The following SLCO3A1 variants were observed in gnomAD, a reference collection of about 807,000 sequenced individuals.
SLCO3A1 encodes solute carrier organic anion transporter family member 3A1, also known as PGE1 transporter.
A neutral mutation model predicts 63.1 loss-of-function variants in SLCO3A1; 27 were observed. The ratio of observed to expected loss-of-function variants is 0.43; its 90% CI spans 0.32 to 0.59. The LOEUF is 0.59. Among genes scored for constraint, SLCO3A1 ranks in the 20% least tolerant of loss-of-function variants. The probability of loss-of-function intolerance (pLI) is 0.09; values close to 1 mark genes in which losing one functional copy is unlikely to be tolerated. For missense variants in SLCO3A1, 773 were observed against 945.8 expected (o/e 0.82, Z 2.40); for synonymous variants, 473 against 409.9 (o/e 1.15, Z -1.86).
At chr15:91,988,926 A>G (rs1210565833) in intron 2 of SLCO3A1, among the ~76,000 whole-genome samples, 1 of 152,224 alleles carries the variant, frequency 6.6e-6, no homozygotes, top group Non-Finnish European at 1.5e-5. Flanking sequence ...GGAAAAGCAC[A>G]TCAACTATGT....
chr15:91,873,543 C>T (rs554703065), intron 1 of SLCO3A1, among the ~76,000 whole-genome samples: 4,786 of 151,298 alleles, frequency 0.032, 230 homozygotes, highest in African/African-American at 0.11. Flanking sequence ...CACACACACA[C>T]ACACACACAC....
At chr15:92,130,424 G>A (rs1473195262) in intron 7 of SLCO3A1, among the ~76,000 whole-genome samples, 1 of 152,234 alleles carries the variant, frequency 6.6e-6, no homozygotes, top group Non-Finnish European at 1.5e-5. Flanking sequence ...TCATGCAATT[G>A]CAATGCAGAG....
intron 2 of SLCO3A1, among the ~76,000 whole-genome samples, chr15:92,040,088 G>C (rs910601631): frequency 1.3e-5 from 2 of 152,146 alleles, no homozygotes; most frequent in East Asian, 3.9e-4. Context: ...AGGACAAATA[G>C]TTAATGCATG....
intron 2 of SLCO3A1, among the ~76,000 whole-genome samples, chr15:92,029,190 C>T (rs547701505): frequency 6.6e-6 from 1 of 152,158 alleles, no homozygotes; most frequent in Admixed American, 6.5e-5. Context: ...AAAAACTCCG[C>T]AGCCTCTTAT....
At position 92,165,132 on chromosome 15, in the gene SLCO3A1, G is replaced by A; in HGVS notation, c.*1997G>A. 1.0e-6 allele frequency: 1 copy of A among 985,418 alleles called. No individual in the cohort carries two copies. Among genetic ancestry groups the A allele is most frequent in the East Asian group, 1.1e-4 (1 of 8,818 alleles). 61.0% of individuals were successfully genotyped at this position (985,418 alleles called of 1,614,324 possible). ...TGAATGACAGCCCAAATCTAGAGAA[G>A]GCACTCAGCAAGACCAACCAAAAGA... On this transcript the variant is annotated 3_prime_UTR_variant, in exon 10 of 10. Coordinates refer to ENST00000318445, the MANE Select transcript of SLCO3A1 (RefSeq NM_013272.4).
At chr15:91,983,945 C>G (rs2046018656) in intron 2 of SLCO3A1, among the ~76,000 whole-genome samples, 1 of 152,164 alleles carries the variant, frequency 6.6e-6, no homozygotes, top group African/African-American at 2.4e-5. Context: ...GGTAACTAGG[C>G]TAATCAATCA....
chr15:92,137,271 A>G (rs1272541010), intron 7 of SLCO3A1, among the ~76,000 whole-genome samples: 21 of 108,584 alleles, frequency 1.9e-4, no homozygotes, highest in Admixed American at 7.2e-4. Context: ...ATGATTTCCA[A>G]TTTCATCCAT....
chr15:91,856,908 A>G lies in SLCO3A1; in HGVS notation c.180+2820A>G, dbSNP rs1344510466. Among the ~76,000 whole-genome samples the G allele has an allele frequency of 6.6e-6, 1 of 151,738 alleles. No individual in the cohort carries two copies. The highest frequency in any genetic ancestry group is 1.5e-5 in the Non-Finnish European group (1 of 67,938). On this transcript the variant is annotated intron_variant, in intron 1 of 9. Transcript: ENST00000318445. This position sits in a 1 kb window ranked among gnomAD's most constrained non-coding sequence, Gnocchi z 4.9. ...TAAAATATTGCAGTTTCATTTCCTT[A>G]TTTTTTTCTGAAAAGACAAATTTCT... is the stretch of plus-strand genomic sequence containing the variant.
intron 1 of SLCO3A1, among the ~76,000 whole-genome samples, chr15:91,898,742 C>T (rs1898073917): frequency 6.6e-6 from 1 of 152,036 alleles, no homozygotes; most frequent in Admixed American, 6.6e-5. Flanking sequence ...CAAAAACTTA[C>T]TCTTTTTATG....
intron 3 of SLCO3A1, among the ~76,000 whole-genome samples, chr15:92,101,314 G>A (rs1596102052): frequency 6.6e-6 from 1 of 152,102 alleles, no homozygotes; most frequent in South Asian, 2.1e-4. Flanking sequence ...TTCAAGACCA[G>A]CCTGGCCAAC....
chr15:92,101,599 T>C (rs1453981371), intron 3 of SLCO3A1, among the ~76,000 whole-genome samples: 1 of 152,004 alleles, frequency 6.6e-6, no homozygotes, highest in Non-Finnish European at 1.5e-5. Context: ...CTTCCCCAGA[T>C]CAAACTCACC....
intron 9 of SLCO3A1, 102 bp from the exon 10 acceptor site, chr15:92,162,654 C>T: frequency 6.6e-7 from 1 of 1,504,362 alleles, no homozygotes; most frequent in South Asian, 1.4e-5. Context: ...CGGAGTCAGA[C>T]ATATTTGCCT....
Position 92,164,736 on chromosome 15 carries a change from G to C in SLCO3A1, c.*1601G>C. The C allele has an allele frequency of 1.4e-5, 14 of 985,358 alleles. No individual in the cohort carries two copies. The highest frequency in any genetic ancestry group is 1.7e-5 in the Non-Finnish European group (14 of 829,924). 61.0% of individuals were successfully genotyped at this position (985,358 alleles called of 1,614,324 possible). A position where few individuals can be genotyped will look rare whatever the true frequency, so the allele number is the denominator to read the frequency against. On this transcript the variant is annotated 3_prime_UTR_variant, in exon 10 of 10. Coordinates refer to ENST00000318445, the MANE Select transcript of SLCO3A1 (RefSeq NM_013272.4). Reference sequence around the variant, plus strand: ...GCCCTTGTCTGTGTGTTTTGAAGGTGGGTGAACCTCAGAGAATGAACCTGT... The same window carrying C: ...GCCCTTGTCTGTGTGTTTTGAAGGTCGGTGAACCTCAGAGAATGAACCTGT...
chr15:91,884,792 T>G (rs1897681900), intron 1 of SLCO3A1, among the ~76,000 whole-genome samples: 1 of 152,160 alleles, frequency 6.6e-6, no homozygotes, highest in African/African-American at 2.4e-5. Flanking sequence ...GGATTACGCA[T>G]TTTTTTGTAT....
intron 1 of SLCO3A1, among the ~76,000 whole-genome samples, chr15:91,914,377 G>T (rs747023072): frequency 2.6e-5 from 4 of 152,118 alleles, no homozygotes; most frequent in African/African-American, 4.8e-5. Flanking sequence ...AATCCAGGCT[G>T]GGAGAGTTTG....
rs1403339655 is a variant in SLCO3A1, at chr15:91,886,395, G to C, written c.181-29598G>C. On this transcript the variant is annotated intron_variant, in intron 1 of 9. Transcript: ENST00000318445. The surrounding 1 kb of genome is among the most constrained non-coding windows in gnomAD (Gnocchi z 4.9). ...GCCTCCTATGAGCCCCTGGCCCGCTGCACCTACCTTGGGTCTGGGTGGCTC... is the reference window on the plus strand; with the variant it reads ...GCCTCCTATGAGCCCCTGGCCCGCTCCACCTACCTTGGGTCTGGGTGGCTC... Among the ~76,000 whole-genome samples, 1 of 152,172 alleles carries C rather than the reference G, an allele frequency of 6.6e-6. No individual in the cohort carries two copies. The highest frequency in any genetic ancestry group is 1.5e-5 in the Non-Finnish European group (1 of 68,042).
At chr15:92,091,353 C>G (rs2151533748) in intron 2 of SLCO3A1, among the ~76,000 whole-genome samples, 1 of 152,324 alleles carries the variant, frequency 6.6e-6, no homozygotes, top group African/African-American at 2.4e-5. Context: ...GGTTCTGCAC[C>G]TGGAGGCGCT....
intron 2 of SLCO3A1, among the ~76,000 whole-genome samples, chr15:91,978,869 A>G (rs1901222808): frequency 6.6e-6 from 1 of 152,260 alleles, no homozygotes; most frequent in Non-Finnish European, 1.5e-5. Context: ...CCTATTGACC[A>G]TATCTGGCCC....
intron 2 of SLCO3A1, among the ~76,000 whole-genome samples, chr15:91,961,563 T>G (rs1900447004): frequency 2.6e-5 from 4 of 152,204 alleles, no homozygotes; most frequent in African/African-American, 7.2e-5. Context: ...TCATAGGCAC[T>G]TTTCAGTGTA....
Sources: allele counts gnomAD v4.1 joint callset (sites outside exome capture counted in the v4.1 genomes callset), GRCh38; gene constraint gnomAD v4.1.1; non-coding constraint Gnocchi (gnomAD v3.1); transcripts MANE v1.5; gene names NCBI Gene and HGNC (gene_info 2026-07-23, HGNC 2026-07-21).